The following NCBP1 variants were observed in gnomAD, a reference collection of about 807,000 sequenced individuals.
The protein encoded by NCBP1 is nuclear cap binding protein subunit 1, also known as nuclear cap-binding protein subunit 1.
A neutral mutation model predicts 111.7 loss-of-function variants in NCBP1; 16 were observed. The observed-to-expected ratio is 0.14, with a 90% CI of 0.10 to 0.22. NCBP1 has a LOEUF of 0.22. Ranked by LOEUF, NCBP1 falls within the 10% of genes least tolerant of loss-of-function variation. NCBP1 has a pLI of 1.00. For missense variants in NCBP1, 607 were observed against 957.5 expected (o/e 0.63, Z 4.83); for synonymous variants, 304 against 314.3 (o/e 0.97, Z 0.35).
At chr9:97,664,139 A>T (rs1827921648) in intron 18 of NCBP1, among the ~76,000 whole-genome samples, 1 of 151,908 alleles carries the variant, frequency 6.6e-6, no homozygotes, top group Admixed American at 6.5e-5. Flanking sequence ...AGATCGTGCC[A>T]CTCCACTCCC....
At chr9:97,645,360 C>A in intron 5 of NCBP1, 136 bp downstream of exon 5, 1 of 766,736 alleles carries the variant, frequency 1.3e-6, no homozygotes, top group Non-Finnish European at 2.1e-6. Flanking sequence ...GACTATCACA[C>A]TTTAAGTTCT....
At position 97,633,857 on chromosome 9, in the gene NCBP1, G is replaced by T. The variant is rs1564013823; in HGVS notation, c.-25G>T. On this transcript the variant is annotated 5_prime_UTR_variant, in exon 1 of 23. Transcript: ENST00000375147. The stretch of plus-strand genomic sequence containing the variant: ...GCAGCGCTTACCGCCTGGCCTCTCG[G>T]TTCCGCGGCGCACCGGAGGGCAGCA... The T allele has an allele frequency of 6.3e-7, 1 of 1,578,172 alleles. No homozygotes were observed. Among genetic ancestry groups the T allele is most frequent in the East Asian group, 2.3e-5 (1 of 43,214 alleles).
rs1438695554 is a variant in NCBP1 at position 97,653,382 on chromosome 9, A to G, written c.1060-416A>G. 2.0e-5 allele frequency among the ~76,000 whole-genome samples: 3 copies of G among 152,124 alleles called. No homozygotes were observed. The East Asian group carries it at 5.8e-4, about 29-fold the overall frequency. ...GTAATCTGCCTGCCTCAGCCTCCCA[A>G]AGTGCTGGGATTACAGGCGTGAGCC... On this transcript the variant is annotated intron_variant, in intron 10 of 22. Coordinates refer to ENST00000375147, the MANE Select transcript of NCBP1 (RefSeq NM_002486.5).
chr9:97,649,599 A>C (rs965906572), intron 8 of NCBP1, among the ~76,000 whole-genome samples: 1 of 152,272 alleles, frequency 6.6e-6, no homozygotes, highest in Non-Finnish European at 1.5e-5. Context: ...TACATATACA[A>C]AATTATCAGC....
At chr9:97,651,817 C>T (rs987900303) in intron 10 of NCBP1, among the ~76,000 whole-genome samples, 2 of 152,110 alleles carry the variant, frequency 1.3e-5, no homozygotes, top group African/African-American at 4.8e-5. Flanking sequence ...TCCTGTAACA[C>T]AAAGTGTAGA....
chr9:97,641,755 A>ATATG, intron 3 of NCBP1, 93 bp downstream of exon 3: 1 of 1,255,994 alleles, frequency 8.0e-7, no homozygotes, highest in East Asian at 3.0e-5. Context: ...TTTATGTTCT[A>ATATG]TATGTCCTTG....
intron 4 of NCBP1, among the ~76,000 whole-genome samples, chr9:97,644,871 G>C (rs923423834): frequency 1.3e-5 from 2 of 152,038 alleles, no homozygotes; most frequent in African/African-American, 4.8e-5. Flanking sequence ...TTTACTTATG[G>C]GCACTGAAAC....
chr9:97,665,000 G>A (rs556073158), intron 19 of NCBP1, among the ~76,000 whole-genome samples: 1 of 152,320 alleles, frequency 6.6e-6, no homozygotes, highest in East Asian at 1.9e-4. Flanking sequence ...AGTTTTTGCT[G>A]TTTGGTTCTT....
At position 97,651,364 on chromosome 9, in the gene NCBP1, C is replaced by T; in HGVS notation, c.1050C>T (p.His350=). 1.9e-6 allele frequency: 3 copies of T among 1,612,980 alleles called. No individual in the cohort carries two copies. Among genetic ancestry groups the T allele is most frequent in the Non-Finnish European group, 2.5e-6 (3 of 1,179,406 alleles). ...AGAACAAGATCCCCTTGAACTACCA[C>T]ATAGTTGAGGTATGAATTCCATGTG... ...PGKNKIPLNY[H]IVEVIFAELF... is the part of the protein sequence containing the mutation. Residue 350 remains histidine, a synonymous_variant, in exon 10 of 23, where the codon CAC becomes CAT. Transcript: ENST00000375147.
Position 97,661,064 on chromosome 9 carries a change from C to G in NCBP1, c.1596C>G (p.Asp532Glu). The G allele has an allele frequency of 3.7e-6, 6 of 1,611,726 alleles. No homozygotes were observed. Among genetic ancestry groups the G allele is most frequent in the Non-Finnish European group, 4.2e-6 (5 of 1,179,488 alleles). ...TACCAAATCCTAACCAGGATGATGA[C>G]GACGGTAAGTGGAATTCAGTATTTC... ...KDVPNPNQDD[D>E]DDEGFSFNPL... Residue 532 changes from aspartate (D) to glutamate (E), a missense_variant, in exon 16 of 23, where the codon GAC (aspartate) becomes GAG (glutamate). Asp to Glu is a conservative substitution (Grantham distance 45). Transcript: ENST00000375147.
chr9:97,659,188 T>G (rs190077743), intron 15 of NCBP1, among the ~76,000 whole-genome samples: 49 of 152,378 alleles, frequency 3.2e-4, no homozygotes, highest in African/African-American at 1.1e-3. Context: ...AATTGCACCA[T>G]AAATCAGGGA....
intron 13 of NCBP1, 40 bp downstream of exon 13, chr9:97,655,804 A>C (rs1564024414): frequency 6.5e-7 from 1 of 1,545,114 alleles, no homozygotes; most frequent in Non-Finnish European, 8.8e-7. Context: ...GTAGTCAAAA[A>C]ACTACTAATG....
intron 14 of NCBP1, among the ~76,000 whole-genome samples, chr9:97,657,512 A>C (rs992043218): frequency 6.6e-6 from 1 of 152,140 alleles, no homozygotes; most frequent in Non-Finnish European, 1.5e-5. Flanking sequence ...ATCCTGATCC[A>C]CCTGGTCATG....
chr9:97,659,162 G>A (rs1159841562), intron 15 of NCBP1, among the ~76,000 whole-genome samples: 4 of 152,206 alleles, frequency 2.6e-5, no homozygotes, highest in Non-Finnish European at 4.4e-5. Flanking sequence ...TTACCTTTTG[G>A]TCACATAATC....
intron 15 of NCBP1, 40 bp from the exon 16 acceptor site, chr9:97,660,906 C>T: frequency 6.4e-7 from 1 of 1,571,386 alleles, no homozygotes; most frequent in Middle Eastern, 1.7e-4. Flanking sequence ...AGTCTTGAAA[C>T]CTGATCTGTC....
rs570234326 is a variant in NCBP1, at chr9:97,653,441, A to C, written c.1060-357A>C. Among the ~76,000 whole-genome samples the C allele has an allele frequency of 1.5e-3, 230 of 152,294 alleles. 1 individual carries two copies. Among genetic ancestry groups the C allele is most frequent in the Admixed American group, 3.1e-3 (47 of 15,286 alleles). On this transcript the variant is annotated intron_variant, in intron 10 of 22. Transcript: ENST00000375147. ...CAGCCTAAGAGTTCTTGTTATTTAT[A>C]GGAATGAAACTGTCATGGATCTTTT... is the stretch of plus-strand genomic sequence containing the variant.
At position 97,662,152 on chromosome 9, in the gene NCBP1, TG is replaced by T; in HGVS notation, c.1703+9del. 1.2e-6 allele frequency: 2 copies of T among 1,600,526 alleles called. No individual in the cohort carries two copies. The highest frequency in any genetic ancestry group is 1.7e-6 in the Non-Finnish European group (2 of 1,167,646). On this transcript the variant is annotated intron_variant, in intron 17 of 22. Coordinates refer to ENST00000375147, the MANE Select transcript of NCBP1 (RefSeq NM_002486.5). ...CTTCAGTGCTCTTGCAAAGTATGTATGAGTACAGAGCCTTGCTTGAGAGTTT... is the reference window on the plus strand; with the variant it reads ...CTTCAGTGCTCTTGCAAAGTATGTATAGTACAGAGCCTTGCTTGAGAGTTT...
In NCBP1 at chr9:97,645,322, A is replaced by G. The variant is rs558890637; in HGVS notation, c.489+98A>G. ...ACCAGGAATTTTTCGCTGATAACCC[A>G]TTAGCAATAAAGAAAAAAATAACAG... On this transcript the variant is annotated intron_variant, in intron 5 of 22. Coordinates refer to ENST00000375147, the MANE Select transcript of NCBP1 (RefSeq NM_002486.5). The G allele has an allele frequency of 3.1e-6, 3 of 960,914 alleles. No individual in the cohort carries two copies. In the South Asian group the frequency reaches 4.4e-5, roughly 14 times the overall value. 59.5% of individuals were successfully genotyped at this position (960,914 alleles called of 1,614,324 possible).
At chr9:97,654,580 A>C (rs997114258) in intron 11 of NCBP1, among the ~76,000 whole-genome samples, 1 of 147,184 alleles carries the variant, frequency 6.8e-6, no homozygotes, top group Admixed American at 7.7e-5. Context: ...AAAAAAAAAG[A>C]AGCAATTTCT....
Sources: gnomAD v4.1 joint callset for allele counts (sites outside exome capture counted in the v4.1 genomes callset) on GRCh38, gnomAD v4.1.1 for gene constraint, MANE v1.5 for transcripts, NCBI Gene and HGNC (gene_info 2026-07-23, HGNC 2026-07-21) for gene names.